FGF14: variants seen among roughly 807,000 people sequenced by gnomAD.
FGF14 encodes fibroblast growth factor homologous factor 4.
FGF14 carries 5 observed loss-of-function variants against 25.5 expected under a neutral mutation model. That is an observed-to-expected ratio of 0.20 (90% CI 0.10 to 0.41). FGF14 has a LOEUF of 0.41. Among genes scored for constraint, FGF14 ranks in the 10% least tolerant of loss-of-function variants. The pLI is 1.00. For synonymous variants in FGF14, 138 were observed against 118.3 expected (o/e 1.17, Z -1.08); for missense variants, 222 against 320.1 (o/e 0.69, Z 2.34).
chr13:102,054,526 G>T (rs9518617), intron 1 of FGF14, among the ~76,000 whole-genome samples: 51,198 of 151,654 alleles, frequency 0.34, 9,472 homozygotes, highest in East Asian at 0.72. Flanking sequence ...CCTCTTCTCA[G>T]TCTGTTCCCC....
intron 1 of FGF14, among the ~76,000 whole-genome samples, chr13:101,949,316 T>C (rs1230776273): frequency 6.6e-6 from 1 of 152,148 alleles, no homozygotes; most frequent in Non-Finnish European, 1.5e-5. Context: ...CTGCCCAGTG[T>C]GGACTTCCAT....
chr13:102,342,194 CT>C (rs1287299536), intron 1 of FGF14, among the ~76,000 whole-genome samples: 1 of 152,138 alleles, frequency 6.6e-6, no homozygotes, highest in Non-Finnish European at 1.5e-5. Context: ...TCCTGGGGCA[CT>C]TTTCTGCAGG....
At chr13:102,169,483 T>G (rs2048158334) in intron 1 of FGF14, among the ~76,000 whole-genome samples, 1 of 152,088 alleles carries the variant, frequency 6.6e-6, no homozygotes, top group Non-Finnish European at 1.5e-5. Flanking sequence ...AGATGAGAAG[T>G]GATCAAAGGA....
chr13:102,134,581 G>T (rs1222530100), intron 1 of FGF14, among the ~76,000 whole-genome samples: 1 of 152,178 alleles, frequency 6.6e-6, no homozygotes, highest in African/African-American at 2.4e-5. Context: ...TGTAGAAATT[G>T]TGAGAACAAG....
At chr13:101,891,153 A>T (rs961771042) in intron 1 of FGF14, among the ~76,000 whole-genome samples, 2 of 152,154 alleles carry the variant, frequency 1.3e-5, no homozygotes, top group Non-Finnish European at 2.9e-5. Context: ...TGGCAACCAT[A>T]ATACAGAGAG....
chr13:102,371,947 TG>T (rs2057898052), intron 1 of FGF14, among the ~76,000 whole-genome samples: 1 of 152,174 alleles, frequency 6.6e-6, no homozygotes, highest in Non-Finnish European at 1.5e-5. Flanking sequence ...CTCTTTAATA[TG>T]CCTTAAGTAT....
At chr13:101,744,493 T>C (rs1302308249) in intron 3 of FGF14, among the ~76,000 whole-genome samples, 1 of 152,120 alleles carries the variant, frequency 6.6e-6, no homozygotes, top group Non-Finnish European at 1.5e-5. Context: ...GTGGGGACTT[T>C]GTCAGTCACC....
At chr13:102,294,658 C>T (rs910247142) in intron 1 of FGF14, among the ~76,000 whole-genome samples, 3 of 152,072 alleles carry the variant, frequency 2.0e-5, no homozygotes, top group East Asian at 1.9e-4. Context: ...TGTTTGCCCT[C>T]CCCTCCTTTC....
chr13:101,781,242 GCT>G (rs1364726751), intron 3 of FGF14, among the ~76,000 whole-genome samples: 1 of 152,054 alleles, frequency 6.6e-6, no homozygotes, highest in Non-Finnish European at 1.5e-5. Context: ...CTCTTATTCT[GCT>G]CTATTTTACT....
intron 1 of FGF14, among the ~76,000 whole-genome samples, chr13:101,980,692 C>G (rs1334641821): frequency 1.3e-5 from 2 of 152,168 alleles, no homozygotes; most frequent in African/African-American, 2.4e-5. Flanking sequence ...TTACCAAGTG[C>G]CAACAAGCCA....
chr13:101,717,022 C>CT lies in FGF14; in HGVS notation c.*5808dup, dbSNP rs905252467. 1 of 151,780 alleles carries CT rather than the reference C, an allele frequency of 6.6e-6. No homozygotes were observed. Among genetic ancestry groups the CT allele is most frequent in the Non-Finnish European group, 1.5e-5 (1 of 67,892 alleles). 9.4% of individuals were successfully genotyped at this position (151,780 alleles called of 1,614,324 possible). A position where few individuals can be genotyped will look rare whatever the true frequency, so the allele number is the denominator to read the frequency against. On this transcript the variant is annotated 3_prime_UTR_variant, in exon 5 of 5. Transcript: ENST00000376143. ...TTATTTAGAGCTAAAAAAAAAACCA[C>CT]TTTTTTTCTAAAGGTGAATTACTTT...
chr13:102,194,789 T>C (rs2049276711), intron 1 of FGF14, among the ~76,000 whole-genome samples: 2 of 152,140 alleles, frequency 1.3e-5, no homozygotes, highest in South Asian at 4.1e-4. Flanking sequence ...CAACTAAAAT[T>C]ATCCATGCCC....
At chr13:101,954,670 C>T (rs182105397) in intron 1 of FGF14, among the ~76,000 whole-genome samples, 94 of 152,064 alleles carry the variant, frequency 6.2e-4, no homozygotes, top group South Asian at 6.2e-4. Flanking sequence ...TGAGGGCACT[C>T]GGCAGAAGAC....
intron 1 of FGF14, among the ~76,000 whole-genome samples, chr13:102,357,290 A>G (rs954110805): frequency 1.3e-5 from 2 of 151,996 alleles, no homozygotes; most frequent in Non-Finnish European, 2.9e-5. Context: ...AGGAGGAAGG[A>G]GCCACACCTG....
intron 3 of FGF14, among the ~76,000 whole-genome samples, chr13:101,803,683 T>C (rs1039873527): frequency 1.3e-5 from 2 of 152,180 alleles, no homozygotes; most frequent in African/African-American, 2.4e-5. Flanking sequence ...TAGTAACAGA[T>C]TGACTATATG....
At chr13:102,365,439 A>G (rs2057682964) in intron 1 of FGF14, among the ~76,000 whole-genome samples, 1 of 152,236 alleles carries the variant, frequency 6.6e-6, no homozygotes, top group Non-Finnish European at 1.5e-5. Context: ...TTCATTTACA[A>G]AACGGCGATA....
chr13:102,400,738 G>C lies in FGF14; in HGVS notation c.208+733C>G, dbSNP rs2058684149. On this transcript the variant is annotated intron_variant, in intron 1 of 4. Transcript: ENST00000376131. The surrounding 1 kb of genome is among the most constrained non-coding windows in gnomAD (Gnocchi z 4.3). ...CTGGCTCATCCCCACCCCTGGCCCT[G>C]TGGGACCCCGACGCAGGGCTTTGAC... 6.6e-6 allele frequency among the ~76,000 whole-genome samples: 1 copy of C among 152,200 alleles called. No homozygotes were observed. Among genetic ancestry groups the C allele is most frequent in the African/African-American group, 2.4e-5 (1 of 41,456 alleles).
chr13:102,292,288 A>AAC (rs2054455158), intron 1 of FGF14: 1 of 148,888 alleles, frequency 6.7e-6, no homozygotes, highest in African/African-American at 2.4e-5. Flanking sequence ...CAAAAAAAAA[A>AAC]AAAAAAAAAA....
intron 1 of FGF14, among the ~76,000 whole-genome samples, chr13:102,122,614 A>G (rs2045777221): frequency 6.6e-6 from 1 of 152,220 alleles, no homozygotes; most frequent in African/African-American, 2.4e-5. Context: ...CTGAAAATCA[A>G]AATGCAACTT....
Sources: allele counts gnomAD v4.1 joint callset (sites outside exome capture counted in the v4.1 genomes callset), GRCh38; gene constraint gnomAD v4.1.1; non-coding constraint Gnocchi (gnomAD v3.1); transcripts MANE v1.5; gene names NCBI Gene and HGNC (gene_info 2026-07-23, HGNC 2026-07-21).